Variants in SULF2 observed in about 807,000 individuals in gnomAD.
SULF2 encodes extracellular sulfatase Sulf-2.
In SULF2, 52 loss-of-function variants were observed where a neutral mutation model predicts 107.7. The observed-to-expected ratio is 0.48, with a 90% CI of 0.39 to 0.61. The LOEUF (loss-of-function observed/expected upper bound fraction) is 0.61. Among genes scored for constraint, SULF2 ranks in the 20% least tolerant of loss-of-function variants. The pLI, the probability that SULF2 is intolerant of heterozygous loss-of-function variation, is 0.00. For synonymous variants in SULF2, 460 were observed against 464.3 expected (o/e 0.99, Z 0.12); for missense variants, 993 against 1,177.3 (o/e 0.84, Z 2.29).
At chr20:47,777,172 G>A (rs2122679693) in intron 1 of SULF2, among the ~76,000 whole-genome samples, 1 of 152,300 alleles carries the variant, frequency 6.6e-6, no homozygotes, top group Middle Eastern at 3.4e-3. Context: ...AAAACAGGTT[G>A]TCCTTCCAGC....
At position 47,663,439 on chromosome 20, in the gene SULF2, C is replaced by T; in HGVS notation, c.2227+14G>A. Reference sequence around the variant, plus strand: ...GGGCCTCAGCCTGTCCACCCCTGCCCTGGGCTTGCTCACGTGTCCAGAAAG... The same window carrying T: ...GGGCCTCAGCCTGTCCACCCCTGCCTTGGGCTTGCTCACGTGTCCAGAAAG... On this transcript the variant is annotated intron_variant, in intron 16 of 20. Transcript: ENST00000688720. 1 of 1,606,198 alleles carries T rather than the reference C, an allele frequency of 6.2e-7. No individual in the cohort carries two copies. The highest frequency in any genetic ancestry group is 1.1e-5 in the South Asian group (1 of 91,066).
At chr20:47,667,951 G>A (rs1032815809) in intron 11 of SULF2, among the ~76,000 whole-genome samples, 1 of 152,232 alleles carries the variant, frequency 6.6e-6, no homozygotes, top group Non-Finnish European at 1.5e-5. Flanking sequence ...AAGGGCCGAA[G>A]GATCCTGAGG....
rs2087584319 is a variant in SULF2, at chr20:47,674,717, T to A, written c.1380+1777A>T. Reference sequence around the variant, plus strand: ...ACCACGTGGGGTAGCACGGACAAGGTACCCAAGACAATGCTATGGCTGGGT... The same window carrying A: ...ACCACGTGGGGTAGCACGGACAAGGAACCCAAGACAATGCTATGGCTGGGT... On this transcript the variant is annotated intron_variant, in intron 10 of 20. Transcript: ENST00000688720. Among the ~76,000 whole-genome samples the A allele has an allele frequency of 2.0e-5, 3 of 152,146 alleles. No homozygotes were observed. In the South Asian group the frequency reaches 6.2e-4, roughly 32 times the overall value.
chr20:47,702,785 G>T, intron 3 of SULF2, 115 bp from the exon 4 acceptor site: 2 of 867,118 alleles, frequency 2.3e-6, no homozygotes, highest in Non-Finnish European at 3.5e-6. Context: ...GAGCCCTCTG[G>T]CACACAGAGC....
At chr20:47,704,677 T>G (rs2088672807) in intron 3 of SULF2, among the ~76,000 whole-genome samples, 1 of 152,238 alleles carries the variant, frequency 6.6e-6, no homozygotes, top group Non-Finnish European at 1.5e-5. Context: ...TCTTTCTAGA[T>G]GAGGACACTG....
intron 4 of SULF2, 45 bp from the exon 5 acceptor site, chr20:47,690,340 T>G: frequency 2.2e-6 from 3 of 1,372,688 alleles, no homozygotes; most frequent in Non-Finnish European, 2.9e-6. Context: ...GAGCCAGGTA[T>G]TCATACTGGT....
intron 1 of SULF2, among the ~76,000 whole-genome samples, chr20:47,765,337 G>A (rs115704800): frequency 6.7e-6 from 1 of 148,886 alleles, no homozygotes; most frequent in Admixed American, 6.7e-5. Context: ...CTGGGTGACA[G>A]AGCGACACTG....
At chr20:47,699,850 T>C (rs768246802) in intron 4 of SULF2, among the ~76,000 whole-genome samples, 2 of 152,218 alleles carry the variant, frequency 1.3e-5, no homozygotes, top group Non-Finnish European at 2.9e-5. Flanking sequence ...CTGGGCCTGA[T>C]CTGCCCCTTT....
intron 1 of SULF2, among the ~76,000 whole-genome samples, chr20:47,764,598 G>A (rs62200252): frequency 0.09 from 13,722 of 152,210 alleles, 718 homozygotes; most frequent in South Asian, 0.22. Context: ...GGAGGCTGGA[G>A]GAGACTGTGC....
In SULF2 at chr20:47,710,505, C is replaced by A. The variant is rs919840963; in HGVS notation, c.416-7835G>T. On this transcript the variant is annotated intron_variant, in intron 3 of 20. Coordinates refer to ENST00000688720, the MANE Select transcript of SULF2 (RefSeq NM_001387048.1). ...GAGCCTAGGTGTGTAGTAGGCTATG[C>A]CATCCAGGCGTGTAATGCACTCCAT... Among the ~76,000 whole-genome samples, 7 of 151,840 alleles carry A rather than the reference C, an allele frequency of 4.6e-5. 1 individual carries two copies. Among genetic ancestry groups the A allele is most frequent in the African/African-American group, 1.7e-4 (7 of 41,124 alleles).
At chr20:47,752,473 C>T (rs1038285064) in intron 2 of SULF2, among the ~76,000 whole-genome samples, 1 of 151,100 alleles carries the variant, frequency 6.6e-6, no homozygotes, top group Non-Finnish European at 1.5e-5. Flanking sequence ...CTCGCACCTG[C>T]AATTCCAGCA....
chr20:47,757,795 C>T (rs1413765292), intron 1 of SULF2, among the ~76,000 whole-genome samples: 1 of 152,124 alleles, frequency 6.6e-6, no homozygotes, highest in Non-Finnish European at 1.5e-5. Flanking sequence ...ACAGACAAAT[C>T]GTCCCCAGGG....
chr20:47,665,998 G>A, intron 12 of SULF2, 45 bp from the exon 13 acceptor site: 6 of 1,604,578 alleles, frequency 3.7e-6, no homozygotes, highest in East Asian at 2.2e-5. Context: ...GTGGTGGAGG[G>A]GGAGCAGCCC....
intron 11 of SULF2, among the ~76,000 whole-genome samples, chr20:47,670,150 TCTAA>T (rs1280209098): frequency 6.6e-6 from 1 of 152,142 alleles, no homozygotes; most frequent in African/African-American, 2.4e-5. Flanking sequence ...GACCTCAATC[TCTAA>T]CTAGTCTGTG....
chr20:47,665,395 C>T (rs573206737), intron 13 of SULF2, 102 bp from the exon 14 acceptor site: 514 of 824,414 alleles, frequency 6.2e-4, no homozygotes, highest in Non-Finnish European at 9.0e-4. Context: ...TGCTCAGCAG[C>T]GGCAGCCTGC....
intron 20 of SULF2, among the ~76,000 whole-genome samples, 177 bp from the exon 21 acceptor site, chr20:47,658,569 C>T (rs1459859014): frequency 1.3e-5 from 2 of 152,200 alleles, no homozygotes; most frequent in African/African-American, 2.4e-5. Context: ...TTTACTTATA[C>T]ACCCAATGCC....
intron 7 of SULF2, among the ~76,000 whole-genome samples, chr20:47,679,637 C>T (rs942813906): frequency 6.6e-6 from 1 of 152,192 alleles, no homozygotes; most frequent in African/African-American, 2.4e-5. Flanking sequence ...GCCCCATGAG[C>T]AGGGACGCAG....
intron 2 of SULF2, among the ~76,000 whole-genome samples, chr20:47,737,755 GTTTTTTT>G (rs11484375): frequency 1.8e-4 from 11 of 61,834 alleles, no homozygotes; most frequent in East Asian, 4.9e-4. Flanking sequence ...TCTTTTCTTT[GTTTTTTT>G]TTTTTTTTTT....
chr20:47,727,014 G>C (rs777567541), intron 3 of SULF2, among the ~76,000 whole-genome samples: 1 of 150,618 alleles, frequency 6.6e-6, no homozygotes, highest in Non-Finnish European at 1.5e-5. Flanking sequence ...AAGAGGGGAA[G>C]AGCGGCAGGT....
Sources: gnomAD v4.1 joint callset for allele counts (sites outside exome capture counted in the v4.1 genomes callset) on GRCh38, gnomAD v4.1.1 for gene constraint, MANE v1.5 for transcripts, NCBI Gene and HGNC (gene_info 2026-07-23, HGNC 2026-07-21) for gene names.